The following LRMDA variants were observed in gnomAD, a reference collection of about 807,000 sequenced individuals.
LRMDA encodes leucine-rich melanocyte differentiation-associated protein.
A neutral mutation model predicts 29.8 loss-of-function variants in LRMDA; 18 were observed. The observed-to-expected ratio is 0.60, with a 90% CI of 0.42 to 0.90. The LOEUF (loss-of-function observed/expected upper bound fraction) is 0.90, where lower values mean the gene tolerates loss of function less well. Among genes scored for constraint, LRMDA ranks in the 40% least tolerant of loss-of-function variants. LRMDA has a pLI of 0.00. For synonymous variants in LRMDA, 125 were observed against 109.4 expected, an observed-to-expected ratio of 1.14 and a Z score of -0.89; for missense variants, 273 against 273.9, an observed-to-expected ratio of 1.00 and a Z score of 0.02.
At chr10:76,553,208 C>T (rs2132397551) in intron 6 of LRMDA, among the ~76,000 whole-genome samples, 1 of 152,332 alleles carries the variant, frequency 6.6e-6, no homozygotes, top group East Asian at 1.9e-4. Flanking sequence ...AGCTGCACGT[C>T]AGCCTGACAC....
chr10:75,892,618 T>G (rs1177679584), intron 2 of LRMDA, among the ~76,000 whole-genome samples: 1 of 152,176 alleles, frequency 6.6e-6, no homozygotes, highest in Non-Finnish European at 1.5e-5. Context: ...GCCTCTTTCT[T>G]TTGGCTATGG....
At chr10:76,021,417 A>C (rs919518039) in intron 2 of LRMDA, among the ~76,000 whole-genome samples, 2 of 152,212 alleles carry the variant, frequency 1.3e-5, no homozygotes, top group Non-Finnish European at 2.9e-5. Flanking sequence ...AGCTTGGGTC[A>C]AGACTGATCA....
chr10:75,443,139 G>T (rs2132025448), intron 2 of LRMDA, among the ~76,000 whole-genome samples: 1 of 152,182 alleles, frequency 6.6e-6, no homozygotes, highest in African/African-American at 2.4e-5. Flanking sequence ...ATAAGATCAT[G>T]TCATCTGCAA....
At chr10:76,085,549 G>T (rs1849119936) in intron 5 of LRMDA, among the ~76,000 whole-genome samples, 1 of 152,118 alleles carries the variant, frequency 6.6e-6, no homozygotes, top group African/African-American at 2.4e-5. Flanking sequence ...GGAGGGAGGG[G>T]TCGCTTTACT....
At chr10:75,616,234 T>TAGC (rs1006575002) in intron 2 of LRMDA, among the ~76,000 whole-genome samples, 32 of 146,810 alleles carry the variant, frequency 2.2e-4, no homozygotes, top group African/African-American at 5.7e-4. Context: ...ACAGTAATAG[T>TAGC]AGCAGTAGCA....
intron 2 of LRMDA, among the ~76,000 whole-genome samples, chr10:75,790,484 C>A (rs1186963685): frequency 2.0e-5 from 3 of 152,170 alleles, no homozygotes; most frequent in Non-Finnish European, 4.4e-5. Flanking sequence ...AAGAACATGA[C>A]CCCAGGTGGG....
At chr10:76,014,323 G>A (rs937278475) in intron 2 of LRMDA, among the ~76,000 whole-genome samples, 5 of 151,298 alleles carry the variant, frequency 3.3e-5, no homozygotes, top group Admixed American at 1.3e-4. Flanking sequence ...CTGACCTTAC[G>A]GGGTTAAACC....
At chr10:75,973,021 A>ACAGCAGCAGCAG (rs3042539) in intron 2 of LRMDA, among the ~76,000 whole-genome samples, 567 of 148,964 alleles carry the variant, frequency 3.8e-3, no homozygotes, top group Middle Eastern at 6.8e-3. Flanking sequence ...CACTTTAACA[A>ACAGCAGCAGCAG]CAGCAGCAGC....
At chr10:75,513,468 T>C (rs1262646111) in intron 2 of LRMDA, among the ~76,000 whole-genome samples, 2 of 152,236 alleles carry the variant, frequency 1.3e-5, no homozygotes. Flanking sequence ...GTCTTTTATA[T>C]GGCTGTGTTA....
intron 6 of LRMDA, among the ~76,000 whole-genome samples, chr10:76,540,747 T>C (rs1843344814): frequency 6.6e-6 from 1 of 152,216 alleles, no homozygotes; most frequent in Non-Finnish European, 1.5e-5. Flanking sequence ...CTCTTTATTT[T>C]TCCTAAGAAA....
At chr10:76,528,018 G>C (rs967360134) in intron 6 of LRMDA, among the ~76,000 whole-genome samples, 2 of 152,066 alleles carry the variant, frequency 1.3e-5, no homozygotes, top group Non-Finnish European at 2.9e-5. Flanking sequence ...GCAACTCTTG[G>C]ATATAATATT....
chr10:76,459,855 C>T (rs1432668804), intron 6 of LRMDA, among the ~76,000 whole-genome samples: 3 of 152,120 alleles, frequency 2.0e-5, no homozygotes, highest in South Asian at 2.1e-4. Context: ...TCCCAGACAT[C>T]GTCTCCAAAG....
intron 6 of LRMDA, among the ~76,000 whole-genome samples, chr10:76,505,411 T>C (rs1391328782): frequency 6.6e-6 from 1 of 152,094 alleles, no homozygotes; most frequent in African/African-American, 2.4e-5. Flanking sequence ...CTTGTAGGTT[T>C]GGTCTCTTTA....
intron 2 of LRMDA, among the ~76,000 whole-genome samples, chr10:75,666,709 A>G (rs973081820): frequency 6.6e-6 from 1 of 151,930 alleles, no homozygotes; most frequent in African/African-American, 2.4e-5. Context: ...TTTTTTTTTG[A>G]GATTAATTAG....
chr10:76,287,581 T>C (rs1312063529), intron 5 of LRMDA, among the ~76,000 whole-genome samples: 1 of 152,092 alleles, frequency 6.6e-6, no homozygotes, highest in African/African-American at 2.4e-5. Context: ...AATAAAATAA[T>C]ATTTATGCCA....
intron 2 of LRMDA, among the ~76,000 whole-genome samples, chr10:75,811,373 G>C (rs576202214): frequency 6.6e-6 from 1 of 152,064 alleles, no homozygotes; most frequent in East Asian, 1.9e-4. Flanking sequence ...GATAAGTTAG[G>C]CTCCTCCTCT....
intron 2 of LRMDA, among the ~76,000 whole-genome samples, chr10:75,846,514 G>A (rs569651243): frequency 3.9e-4 from 59 of 152,154 alleles, no homozygotes; most frequent in Non-Finnish European, 7.5e-4. Context: ...TGCTCAAGGT[G>A]GTCATAGCAC....
chr10:75,650,113 T>C (rs1373143182), intron 2 of LRMDA, among the ~76,000 whole-genome samples: 2 of 152,250 alleles, frequency 1.3e-5, no homozygotes, highest in East Asian at 3.8e-4. Flanking sequence ...TGCAAGATTT[T>C]AGTTGATGAA....
chr10:76,105,045 T>A (rs1330927527), intron 5 of LRMDA, among the ~76,000 whole-genome samples: 1 of 152,160 alleles, frequency 6.6e-6, no homozygotes, highest in Non-Finnish European at 1.5e-5. Context: ...ATCTTACCTT[T>A]TCTATGAGCC....
Sources: gnomAD v4.1 joint callset for allele counts (sites outside exome capture counted in the v4.1 genomes callset) on GRCh38, gnomAD v4.1.1 for gene constraint, MANE v1.5 for transcripts, NCBI Gene and HGNC (gene_info 2026-07-23, HGNC 2026-07-21) for gene names.